CACNB2: variants seen among roughly 807,000 people sequenced by gnomAD.
The protein encoded by CACNB2 is calcium voltage-gated channel auxiliary subunit beta 2.
In CACNB2, 42 loss-of-function variants were observed where a neutral mutation model predicts 73.3. The ratio of observed to expected loss-of-function variants is 0.57; its 90% CI spans 0.45 to 0.74. CACNB2 has a LOEUF of 0.74. Ranked by LOEUF, CACNB2 falls within the 30% of genes least tolerant of loss-of-function variation. CACNB2 has a pLI of 0.00. For missense variants in CACNB2, 940 were observed against 853.0 expected (o/e 1.10, Z -1.27); for synonymous variants, 348 against 310.3 (o/e 1.12, Z -1.28).
intron 2 of CACNB2, among the ~76,000 whole-genome samples, chr10:18,395,950 T>C (rs950193977): frequency 1.3e-5 from 2 of 152,074 alleles, no homozygotes; most frequent in African/African-American, 4.8e-5. Flanking sequence ...CAGTACATAG[T>C]TGATGATTTT....
At chr10:18,476,907 C>G (rs7897506) in intron 3 of CACNB2, among the ~76,000 whole-genome samples, 62,796 of 151,802 alleles carry the variant, frequency 0.41, 13,361 homozygotes, top group East Asian at 0.53. Context: ...GTAATCCCAG[C>G]TACTCAGGAG....
chr10:18,340,831 A>G, intron 2 of CACNB2: 2 of 1,612,840 alleles, frequency 1.2e-6, no homozygotes, highest in Middle Eastern at 1.7e-4. Flanking sequence ...CTGTTCAGCA[A>G]AGCAAGACTT....
chr10:18,261,072 G>A (rs1588875954), intron 2 of CACNB2: 51 of 1,364,062 alleles, frequency 3.7e-5, no homozygotes, highest in South Asian at 1.1e-4. Context: ...AGACAAACAG[G>A]GGAGAACAAA....
At chr10:18,186,941 A>T (rs181145387) in intron 2 of CACNB2, among the ~76,000 whole-genome samples, 7 of 152,336 alleles carry the variant, frequency 4.6e-5, no homozygotes, top group Non-Finnish European at 8.8e-5. Flanking sequence ...AGTAAGATAC[A>T]CATTATCTGC....
intron 2 of CACNB2, among the ~76,000 whole-genome samples, chr10:18,166,506 G>A (rs553731817): frequency 2.6e-5 from 4 of 152,322 alleles, no homozygotes; most frequent in African/African-American, 4.8e-5. Flanking sequence ...GATTACAGGC[G>A]TGAGCCACCG....
chr10:18,365,723 T>C (rs184077810), intron 2 of CACNB2, among the ~76,000 whole-genome samples: 7 of 152,332 alleles, frequency 4.6e-5, no homozygotes, highest in African/African-American at 9.6e-5. Flanking sequence ...ACATGCTTAG[T>C]GTATACTACC....
chr10:18,255,732 C>G (rs1045128860), intron 2 of CACNB2, among the ~76,000 whole-genome samples: 1 of 152,162 alleles, frequency 6.6e-6, no homozygotes, highest in Non-Finnish European at 1.5e-5. Flanking sequence ...TGCAGACGTA[C>G]TGTGAAGGGA....
chr10:18,369,181 T>C (rs2042474426), intron 2 of CACNB2, among the ~76,000 whole-genome samples: 1 of 152,214 alleles, frequency 6.6e-6, no homozygotes, highest in African/African-American at 2.4e-5. Flanking sequence ...CTTCTAAGTC[T>C]TACAGTAAAA....
chr10:18,330,001 C>T (rs879517854), intron 2 of CACNB2, among the ~76,000 whole-genome samples: 11 of 151,924 alleles, frequency 7.2e-5, no homozygotes, highest in Non-Finnish European at 1.2e-4. Context: ...CCACCCTGCC[C>T]GGCTAATTTT....
At position 18,148,095 on chromosome 10, in the gene CACNB2, T is replaced by TTA. The variant is rs1554759077; in HGVS notation, c.121-2788_121-2787insTA. On this transcript the variant is annotated intron_variant, in intron 1 of 13. Transcript: ENST00000324631. ...AGTAAGTAATCACTCTACAGTTTTT[T>TTA]AAAAAAAAAGAAACTTTAGAAGAGA... Among the ~76,000 whole-genome samples the TTA allele has an allele frequency of 1.6e-4, 24 of 150,988 alleles. No homozygotes were observed. The East Asian group carries it at 1.9e-3, about 12-fold the overall frequency.
chr10:18,391,892 C>A (rs1367125457), intron 2 of CACNB2, among the ~76,000 whole-genome samples: 1 of 133,940 alleles, frequency 7.5e-6, no homozygotes, highest in Non-Finnish European at 1.5e-5. Context: ...TGTGCCACTG[C>A]ACTCCAGCCT....
intron 2 of CACNB2, among the ~76,000 whole-genome samples, chr10:18,240,282 C>G (rs1053845111): frequency 3.3e-5 from 5 of 152,128 alleles, no homozygotes; most frequent in Admixed American, 1.3e-4. Context: ...GCAAAACAAT[C>G]GCAGAGTGAC....
intron 3 of CACNB2, among the ~76,000 whole-genome samples, chr10:18,483,278 C>G (rs2048883268): frequency 6.6e-6 from 1 of 151,324 alleles, no homozygotes; most frequent in African/African-American, 2.4e-5. Context: ...TGCCTGTAAT[C>G]CCAGCACTTT....
chr10:18,475,653 A>G (rs887665557), intron 3 of CACNB2, among the ~76,000 whole-genome samples: 3 of 152,106 alleles, frequency 2.0e-5, no homozygotes, highest in African/African-American at 7.2e-5. Flanking sequence ...AACAAATCAT[A>G]CCAGTACTAA....
At chr10:18,371,752 G>C (rs1298086126) in intron 2 of CACNB2, among the ~76,000 whole-genome samples, 1 of 152,112 alleles carries the variant, frequency 6.6e-6, no homozygotes, top group African/African-American at 2.4e-5. Context: ...GGTATTTCTA[G>C]TTCTAGATCC....
At chr10:18,235,058 G>C (rs1244367919) in intron 2 of CACNB2, among the ~76,000 whole-genome samples, 2 of 151,296 alleles carry the variant, frequency 1.3e-5, no homozygotes, top group African/African-American at 2.4e-5. Flanking sequence ...CAGGAGAATG[G>C]CATGAACCCG....
intron 10 of CACNB2, among the ~76,000 whole-genome samples, chr10:18,529,661 A>ATTATAT (rs1209707251): frequency 2.6e-5 from 4 of 152,206 alleles, no homozygotes; most frequent in South Asian, 2.1e-4. Context: ...AAGCTAAAAT[A>ATTATAT]TATTGTTTTA....
chr10:18,480,160 T>A (rs2048649264), intron 3 of CACNB2, among the ~76,000 whole-genome samples: 1 of 152,210 alleles, frequency 6.6e-6, no homozygotes, highest in Admixed American at 6.5e-5. Context: ...AAATATATGT[T>A]CATTTTTTTC....
intron 2 of CACNB2, among the ~76,000 whole-genome samples, chr10:18,157,347 G>C (rs2032132826): frequency 1.3e-5 from 2 of 152,164 alleles, no homozygotes; most frequent in Non-Finnish European, 2.9e-5. Context: ...ACAAGTAACT[G>C]AATCTTTCTG....
Sources: allele counts gnomAD v4.1 joint callset (sites outside exome capture counted in the v4.1 genomes callset), GRCh38; gene constraint gnomAD v4.1.1; transcripts MANE v1.5; gene names NCBI Gene and HGNC (gene_info 2026-07-23, HGNC 2026-07-21).